The following MIB1 variants were observed in gnomAD, a reference collection of about 807,000 sequenced individuals.
MIB1 encodes the protein MIB E3 ubiquitin protein ligase 1.
Under a neutral mutation model 124.5 loss-of-function variants are expected in MIB1, and 278 were observed. The observed-to-expected ratio is 2.23, with a 90% CI of 2.02 to 2.47. The LOEUF (loss-of-function observed/expected upper bound fraction) is 2.47, where lower values mean the gene tolerates loss of function less well. Ranked by LOEUF, MIB1 falls within the 30% of genes most tolerant of loss-of-function variation. The probability of loss-of-function intolerance (pLI) is 0.00; values close to 1 mark genes in which losing one functional copy is unlikely to be tolerated. For missense variants in MIB1, 957 were observed against 1,254.4 expected (o/e 0.76, Z 3.58); for synonymous variants, 446 against 429.4 (o/e 1.04, Z -0.48).
chr18:21,818,240 A>G (rs1428561479), intron 11 of MIB1, among the ~76,000 whole-genome samples: 1 of 152,166 alleles, frequency 6.6e-6, no homozygotes, highest in African/African-American at 2.4e-5. Context: ...TATGGTGAAC[A>G]GCCTGGACAT....
chr18:21,738,366 G>A (rs909490247), upstream of MIB1, among the ~76,000 whole-genome samples: 1 of 152,148 alleles, frequency 6.6e-6, no homozygotes, highest in African/African-American at 2.4e-5. Context: ...AAGTAAAGAT[G>A]TTCTTTGAAA....
chr18:21,773,720 G>T lies in MIB1; in HGVS notation c.628G>T (p.Glu210Ter). 3 of 1,596,182 alleles carry T rather than the reference G, an allele frequency of 1.9e-6. No individual in the cohort carries two copies. Among genetic ancestry groups the T allele is most frequent in the South Asian group, 1.1e-5 (1 of 87,508 alleles). Residue 210 changes from glutamate to a stop codon, truncating the protein, a stop_gained, in exon 4 of 21, where the codon GAG (glutamate) becomes TAG (stop). Coordinates refer to ENST00000261537, the MANE Select transcript of MIB1 (RefSeq NM_020774.4). LOFTEE classifies it high-confidence loss of function. ...TAAGAACCTTTACAGAGTTGGCTTTGAGGGCATGGTAAGTAGTGAAGAGCC... is the reference window on the plus strand; with the variant it reads ...TAAGAACCTTTACAGAGTTGGCTTTTAGGGCATGGTAAGTAGTGAAGAGCC... ...GAKNLYRVGF[E>*]GMSDLKCVQD...
intron 1 of MIB1, among the ~76,000 whole-genome samples, chr18:21,710,827 A>ATTTTTTTTTTTTT (rs34702356): frequency 8.5e-6 from 1 of 117,032 alleles, no homozygotes. Flanking sequence ...TAATTGACTG[A>ATTTTTTTTTTTTT]TTTTTTTTTT....
chr18:21,801,491 A>G (rs1490132968), intron 9 of MIB1, among the ~76,000 whole-genome samples: 1 of 152,134 alleles, frequency 6.6e-6, no homozygotes, highest in African/African-American at 2.4e-5. Context: ...GTCATTTTTA[A>G]AAAGCTGAAG....
At chr18:21,731,733 C>CAAAAA (rs1229088832) in intron 1 of MIB1, among the ~76,000 whole-genome samples, 29 of 35,850 alleles carry the variant, frequency 8.1e-4, no homozygotes, top group Non-Finnish European at 1.2e-3. Context: ...CCCCGTCTCA[C>CAAAAA]AAAAAAAAAA....
intron 1 of MIB1, among the ~76,000 whole-genome samples, chr18:21,732,018 AAT>A (rs111576923): frequency 0.069 from 10,156 of 148,204 alleles, 720 homozygotes; most frequent in African/African-American, 0.18. Flanking sequence ...GTGCCCTTTA[AAT>A]ATATATATAT....
In MIB1 at chr18:21,741,379, G is replaced by A. The variant is rs1266564457; in HGVS notation, c.-205G>A. On this transcript the variant is annotated 5_prime_UTR_variant, in exon 1 of 21. Transcript: ENST00000261537. This position sits in a 1 kb window ranked among gnomAD's most constrained non-coding sequence, Gnocchi z 5.4. ...GGGCCGCCCTCCACTCCGAGCGGGG[G>A]GCGCGGCGGCGACAGCTGGGCAGCG... The A allele has an allele frequency of 4.7e-6, 1 of 214,664 alleles. No homozygotes were observed. The highest frequency in any genetic ancestry group is 9.0e-6 in the Non-Finnish European group (1 of 111,300). 13.3% of individuals were successfully genotyped at this position (214,664 alleles called of 1,614,324 possible).
At chr18:21,778,610 A>G (rs2041320609) in intron 5 of MIB1, among the ~76,000 whole-genome samples, 1 of 152,050 alleles carries the variant, frequency 6.6e-6, no homozygotes. Flanking sequence ...AAAAAAAGGG[A>G]ACAAGAAAAC....
At position 21,779,861 on chromosome 18, in the gene MIB1, C is replaced by CGTGT. The variant is rs67233506; in HGVS notation, c.908+203_908+206dup. 0.035 allele frequency among the ~76,000 whole-genome samples: 5,186 copies of CGTGT among 148,558 alleles called. 227 individuals carry two copies. Among genetic ancestry groups the CGTGT allele is most frequent in the Admixed American group, 0.1 (1,548 of 14,860 alleles). On this transcript the variant is annotated intron_variant, in intron 6 of 20. Transcript: ENST00000261537. ...GGAGAGAAACAAATGATAAGAATTA[C>CGTGT]GTGTGTGTGTGTGTGTGTGTGTGTG...
intron 10 of MIB1, among the ~76,000 whole-genome samples, chr18:21,811,333 G>A (rs1210516806): frequency 6.6e-6 from 1 of 152,124 alleles, no homozygotes; most frequent in Non-Finnish European, 1.5e-5. Flanking sequence ...ATTTAAAATT[G>A]AATTACAATA....
rs535845581 is a variant in MIB1, at chr18:21,746,262, C to G, written c.229+4450C>G. Among the ~76,000 whole-genome samples, 6 of 152,258 alleles carry G rather than the reference C, an allele frequency of 3.9e-5. No individual in the cohort carries two copies. The South Asian group carries it at 1.2e-3, about 32-fold the overall frequency. On this transcript the variant is annotated intron_variant, in intron 1 of 20. Transcript: ENST00000261537. ...TGGATCATTGTGAATCTTTCTGATA[C>G]GATTTTTCTCACTACATTTTGAAGA...
rs1444423056 is a variant in MIB1 at position 21,826,898 on chromosome 18, A to G, written c.1829+7252A>G. ...CATACTGCTGGTGAAATTAACTACA[A>G]TTCTTTTTCATCATTTTTTCTAGTA... is the stretch of plus-strand genomic sequence containing the variant. On this transcript the variant is annotated intron_variant, in intron 12 of 20. Transcript: ENST00000261537. 3.9e-5 allele frequency: 6 copies of G among 152,112 alleles called. No individual in the cohort carries two copies. The East Asian group carries it at 1.2e-3, about 29-fold the overall frequency. The allele number at this position is 152,112 out of a possible 1,614,324, so 9.4% of individuals were successfully genotyped here. A position where few individuals can be genotyped will look rare whatever the true frequency, so the allele number is the denominator to read the frequency against.
At chr18:21,778,953 G>A (rs1426043258) in intron 5 of MIB1, among the ~76,000 whole-genome samples, 1 of 152,036 alleles carries the variant, frequency 6.6e-6, no homozygotes, top group Admixed American at 6.6e-5. Flanking sequence ...AGTGTTTCAT[G>A]ATCATGAATT....
At chr18:21,855,437 GAACTA>G (rs1283034712) in intron 18 of MIB1, among the ~76,000 whole-genome samples, 1 of 152,090 alleles carries the variant, frequency 6.6e-6, no homozygotes, top group Admixed American at 6.5e-5. Context: ...TACAATAACT[GAACTA>G]AACAGTTAAT....
At chr18:21,737,143 C>A (rs2040799971), upstream of MIB1, among the ~76,000 whole-genome samples, 1 of 152,112 alleles carries the variant, frequency 6.6e-6, no homozygotes, top group Non-Finnish European at 1.5e-5. Context: ...ACAAAGGAAT[C>A]CCATTAGAAG....
chr18:21,724,977 C>T (rs2040734768), intron 1 of MIB1, among the ~76,000 whole-genome samples: 1 of 148,024 alleles, frequency 6.8e-6, no homozygotes, highest in Admixed American at 6.8e-5. Context: ...CGCCTGTAGT[C>T]CCAGCTACTC....
At chr18:21,794,005 ACCT>A (rs1488756571) in intron 7 of MIB1, 1 of 142,184 alleles carries the variant, frequency 7.0e-6, no homozygotes, top group Non-Finnish European at 1.5e-5. Flanking sequence ...CAAGGATGTG[ACCT>A]CCTGGGTGAA....
chr18:21,723,108 A>G (rs973260468), intron 1 of MIB1, among the ~76,000 whole-genome samples: 2 of 152,202 alleles, frequency 1.3e-5, no homozygotes, highest in South Asian at 4.1e-4. Flanking sequence ...TTATATCAGT[A>G]TAGACTCAAT....
At chr18:21,813,405 G>A (rs912174625) in intron 10 of MIB1, among the ~76,000 whole-genome samples, 2 of 152,050 alleles carry the variant, frequency 1.3e-5, no homozygotes, top group Non-Finnish European at 2.9e-5. Flanking sequence ...ATGCTACTCA[G>A]AGGCACAAGA....
Sources: gnomAD v4.1 joint callset for allele counts (sites outside exome capture counted in the v4.1 genomes callset) on GRCh38, gnomAD v4.1.1 for gene constraint, Gnocchi (gnomAD v3.1) non-coding constraint, MANE v1.5 for transcripts, NCBI Gene and HGNC (gene_info 2026-07-23, HGNC 2026-07-21) for gene names.